IGF1: variants seen among roughly 807,000 people sequenced by gnomAD.
IGF1 encodes the protein insulin like growth factor 1.
IGF1 carries 4 observed loss-of-function variants against 13.8 expected under a neutral mutation model. That is an observed-to-expected ratio of 0.29 (90% CI 0.14 to 0.66). The LOEUF is 0.66. Ranked by LOEUF, IGF1 falls within the 30% of genes least tolerant of loss-of-function variation. The probability of loss-of-function intolerance (pLI) is 0.78; values close to 1 mark genes in which losing one functional copy is unlikely to be tolerated. For synonymous variants in IGF1, 76 were observed against 72.6 expected, an observed-to-expected ratio of 1.05 and a Z score of -0.23; for missense variants, 124 against 188.5, an observed-to-expected ratio of 0.66 and a Z score of 2.00.
At chr12:102,476,712 T>C (rs1436908760) in intron 1 of IGF1, among the ~76,000 whole-genome samples, 1 of 152,170 alleles carries the variant, frequency 6.6e-6, no homozygotes, top group African/African-American at 2.4e-5. Flanking sequence ...TTGGAGGGAC[T>C]TATGTGTCAC....
At chr12:102,406,304 T>C (rs752058474) in intron 3 of IGF1, among the ~76,000 whole-genome samples, 13 of 152,208 alleles carry the variant, frequency 8.5e-5, no homozygotes, top group South Asian at 2.1e-4. Context: ...GGGCGGCAAG[T>C]GGAGGCATGT....
intron 2 of IGF1, among the ~76,000 whole-genome samples, chr12:102,466,092 A>T (rs1880289139): frequency 6.6e-6 from 1 of 152,166 alleles, no homozygotes; most frequent in Non-Finnish European, 1.5e-5. Context: ...CTCTTACTAA[A>T]ATACATGAAT....
chr12:102,427,231 C>A (rs190277579), intron 2 of IGF1, among the ~76,000 whole-genome samples: 1 of 152,166 alleles, frequency 6.6e-6, no homozygotes, highest in Admixed American at 6.5e-5. Flanking sequence ...GAAAGACTGA[C>A]ACAACTGTAA....
intron 2 of IGF1, among the ~76,000 whole-genome samples, chr12:102,464,075 T>C (rs1343324555): frequency 6.6e-6 from 1 of 152,188 alleles, no homozygotes; most frequent in Non-Finnish European, 1.5e-5. Context: ...GATGTACCAG[T>C]TGTTGCATAC....
chr12:102,407,091 C>A (rs1874217651), intron 3 of IGF1, among the ~76,000 whole-genome samples: 3 of 81,350 alleles, frequency 3.7e-5, no homozygotes, highest in Non-Finnish European at 4.5e-5. Context: ...AAAACTCTGT[C>A]TCCAAAAAAA....
At chr12:102,458,744 A>AAAAAAAAAAC (rs1879653718) in intron 2 of IGF1, among the ~76,000 whole-genome samples, 2 of 151,178 alleles carry the variant, frequency 1.3e-5, no homozygotes, top group Non-Finnish European at 2.9e-5. Context: ...AAAAAAAAAA[A>AAAAAAAAAAC]AAACCAAAAA....
chr12:102,456,972 C>T lies in IGF1; in HGVS notation c.220+18671G>A, dbSNP rs545061263. 3.0e-4 allele frequency among the ~76,000 whole-genome samples: 45 copies of T among 152,230 alleles called. 1 individual carries two copies. In the South Asian group the frequency reaches 9.4e-3, roughly 32 times the overall value. On this transcript the variant is annotated intron_variant, in intron 2 of 3. Transcript: ENST00000337514. ...TTTTCTAAGAATTTTGTGGCAATTCCACAGGTATTATCTCTCCTGGTACTA... is the reference window on the plus strand; with the variant it reads ...TTTTCTAAGAATTTTGTGGCAATTCTACAGGTATTATCTCTCCTGGTACTA...
intron 2 of IGF1, among the ~76,000 whole-genome samples, chr12:102,473,874 A>G (rs949624251): frequency 2.6e-5 from 4 of 152,198 alleles, no homozygotes; most frequent in African/African-American, 9.6e-5. Context: ...TCATCATTTA[A>G]TGCAAACATC....
At chr12:102,455,657 C>G (rs1012156679) in intron 2 of IGF1, among the ~76,000 whole-genome samples, 11 of 152,166 alleles carry the variant, frequency 7.2e-5, no homozygotes, top group African/African-American at 2.7e-4. Context: ...TAGCTGAAAT[C>G]AAAAGCCTCC....
chr12:102,460,515 G>C (rs1436689916), intron 2 of IGF1, among the ~76,000 whole-genome samples: 1 of 152,166 alleles, frequency 6.6e-6, no homozygotes, highest in Non-Finnish European at 1.5e-5. Context: ...ACACAGAGCA[G>C]GTGCCCAGCT....
In IGF1 at chr12:102,480,503, C is replaced by T. The variant is rs1306940737; in HGVS notation, c.-122G>A. The T allele has an allele frequency of 6.4e-7, 1 of 1,551,416 alleles. No individual in the cohort carries two copies. The highest frequency in any genetic ancestry group is 1.4e-5 in the African/African-American group (1 of 73,678). On this transcript the variant is annotated 5_prime_UTR_variant, in exon 1 of 4. An upstream start codon of the reference 5' UTR is lost. Coordinates refer to ENST00000337514, the MANE Select transcript of IGF1 (RefSeq NM_000618.5). ...CATTTCAATTTTGAGGACTTTATTC[C>T]ATTGCGCAGGCTCTATCTGCTCTGA...
chr12:102,450,425 CT>C (rs1878817120), intron 2 of IGF1, among the ~76,000 whole-genome samples: 1 of 152,236 alleles, frequency 6.6e-6, no homozygotes, highest in African/African-American at 2.4e-5. Context: ...CCCAGCAGCT[CT>C]CTGCCACGAA....
At position 102,449,681 on chromosome 12, in the gene IGF1, G is replaced by T. The variant is rs981965103; in HGVS notation, c.220+25962C>A. Among the ~76,000 whole-genome samples the T allele has an allele frequency of 4.9e-5, 7 of 143,376 alleles. No individual in the cohort carries two copies. The East Asian group carries it at 1.5e-3, about 30-fold the overall frequency. 94.1% of individuals were successfully genotyped at this position (143,376 alleles called of 152,430 possible). On this transcript the variant is annotated intron_variant, in intron 2 of 3. Transcript: ENST00000337514. The stretch of plus-strand genomic sequence containing the variant: ...AGGCCTCTCTCAGGATGTCAGAGAA[G>T]GGACATCCTGAGAGAGGCCTGTGCT...
At chr12:102,432,133 C>T (rs896108418) in intron 2 of IGF1, among the ~76,000 whole-genome samples, 2 of 152,196 alleles carry the variant, frequency 1.3e-5, no homozygotes, top group African/African-American at 2.4e-5. Context: ...GGCATAGCTA[C>T]AGCCATAACC....
In IGF1 at chr12:102,398,076, C is replaced by G. The variant is rs1873364386; in HGVS notation, c.*4431G>C. The G allele has an allele frequency of 7.2e-6, 1 of 138,988 alleles. No individual in the cohort carries two copies. The highest frequency in any genetic ancestry group is 1.5e-5 in the Non-Finnish European group (1 of 64,618). The allele number at this position is 138,988 out of a possible 1,614,324, so 8.6% of individuals were successfully genotyped here. ...TTGAACATTAAGAAATTCATAAAGA[C>G]TGTATAAAGTAAAAAAAAAAAAAAA... On this transcript the variant is annotated 3_prime_UTR_variant, in exon 4 of 4. Coordinates refer to ENST00000337514, the MANE Select transcript of IGF1 (RefSeq NM_000618.5).
intron 2 of IGF1, chr12:102,423,281 A>G (rs1875901784): frequency 6.6e-6 from 1 of 151,020 alleles, no homozygotes; most frequent in East Asian, 1.9e-4. Context: ...AAAAAAAAAA[A>G]AAAAAAAGAC....
rs1875273792 is a variant in IGF1, at chr12:102,417,751, C to T, written c.402+1758G>A. On this transcript the variant is annotated intron_variant, in intron 3 of 3. Transcript: ENST00000337514. The stretch of plus-strand genomic sequence containing the variant: ...TTCATTTCCTCTATTGTATTTTCTG[C>T]TTTTCATTCTTGCTGTCTGCTCCTC... 9 of 1,600,642 alleles carry T rather than the reference C, an allele frequency of 5.6e-6. No individual in the cohort carries two copies. In the Admixed American group the frequency reaches 1.6e-4, roughly 28 times the overall value.
In IGF1 at chr12:102,400,356, A is replaced by G. The variant is rs1471718275; in HGVS notation, c.*2151T>C. On this transcript the variant is annotated 3_prime_UTR_variant, in exon 4 of 4. Transcript: ENST00000337514. ...AATGAGAAAATCTTGATCTGCAGAT[A>G]GGGATCATTTTCTAGGCTATGATGG... 1 of 152,182 alleles carries G rather than the reference A, an allele frequency of 6.6e-6. No homozygotes were observed. Among genetic ancestry groups the G allele is most frequent in the Non-Finnish European group, 1.5e-5 (1 of 68,026 alleles). 9.4% of individuals were successfully genotyped at this position (152,182 alleles called of 1,614,324 possible).
intron 3 of IGF1, among the ~76,000 whole-genome samples, chr12:102,412,319 C>T (rs1387291845): frequency 6.6e-6 from 1 of 152,050 alleles, no homozygotes; most frequent in African/African-American, 2.4e-5. Flanking sequence ...AGAAACTGTT[C>T]TCACCTATAA....
Sources: gnomAD v4.1 joint callset for allele counts (sites outside exome capture counted in the v4.1 genomes callset) on GRCh38, gnomAD v4.1.1 for gene constraint, MANE v1.5 for transcripts, NCBI Gene and HGNC (gene_info 2026-07-23, HGNC 2026-07-21) for gene names.